Variants in CIDEC observed in about 807,000 individuals in gnomAD.
The protein encoded by CIDEC is lipid transferase CIDEC.
A neutral mutation model predicts 21.9 loss-of-function variants in CIDEC; 11 were observed. That is an observed-to-expected ratio of 0.50 (90% CI 0.32 to 0.83). The LOEUF is 0.83. CIDEC is among the 40% of genes least tolerant of loss of function. The pLI, the probability that CIDEC is intolerant of heterozygous loss-of-function variation, is 0.04. For synonymous variants in CIDEC, 127 were observed against 124.9 expected (o/e 1.02, Z -0.11); for missense variants, 302 against 302.3 (o/e 1.00, Z 0.01).
Position 9,867,184 on chromosome 3 carries a change from TG to T in CIDEC, c.666del (p.Lys223ArgfsTer12). Reference sequence around the variant, plus strand: ...GGGATAAGGGATGAGGCCTTGCCCTTGGGGGGCTGCCCTTCCTCCGTAGCAT... The same window carrying T: ...GGGATAAGGGATGAGGCCTTGCCCTTGGGGGCTGCCCTTCCTCCGTAGCAT... ...LLDATEEGQP[P>X]KGKASSLIPT... On this transcript the variant is annotated frameshift_variant, in exon 7 of 7. Transcript: ENST00000336832. LOFTEE classifies it high-confidence loss of function. 6.2e-7 allele frequency: 1 copy of T among 1,613,986 alleles called. No individual in the cohort carries two copies. The highest frequency in any genetic ancestry group is 1.1e-5 in the South Asian group (1 of 91,072).
At chr3:9,869,687 G>T (rs1304028263) in intron 6 of CIDEC, among the ~76,000 whole-genome samples, 195 bp downstream of exon 6, 1 of 152,232 alleles carries the variant, frequency 6.6e-6, no homozygotes, top group African/African-American at 2.4e-5. Flanking sequence ...AGGAACACGT[G>T]CACCCCTGGG....
intron 4 of CIDEC, among the ~76,000 whole-genome samples, chr3:9,870,985 T>C (rs908576080): frequency 1.3e-5 from 2 of 152,060 alleles, no homozygotes; most frequent in Non-Finnish European, 2.9e-5. Context: ...TTCTACTATA[T>C]AGATATAACA....
chr3:9,867,460 A>C (rs2082288558), intron 6 of CIDEC, among the ~76,000 whole-genome samples, 164 bp from the exon 7 acceptor site: 1 of 152,154 alleles, frequency 6.6e-6, no homozygotes, highest in African/African-American at 2.4e-5. Context: ...TCTCTACTAA[A>C]AATACAAAAA....
At chr3:9,879,953 C>T (rs1401625781) in intron 1 of CIDEC, among the ~76,000 whole-genome samples, 1 of 152,110 alleles carries the variant, frequency 6.6e-6, no homozygotes, top group African/African-American at 2.4e-5. Flanking sequence ...AACAAAAGTC[C>T]CCTTGCCAGC....
intron 6 of CIDEC, among the ~76,000 whole-genome samples, chr3:9,869,675 G>A (rs1046410476): frequency 2.0e-5 from 3 of 152,246 alleles, no homozygotes; most frequent in Non-Finnish European, 4.4e-5. Flanking sequence ...GGTTCCACCA[G>A]GAGGAACACG....
chr3:9,875,031 C>G (rs1303957151), intron 4 of CIDEC, among the ~76,000 whole-genome samples: 1 of 152,092 alleles, frequency 6.6e-6, no homozygotes, highest in African/African-American at 2.4e-5. Flanking sequence ...CTATGCCTGG[C>G]CTGCAACTTA....
chr3:9,867,429 G>A, intron 6 of CIDEC, 133 bp from the exon 7 acceptor site: 1 of 823,878 alleles, frequency 1.2e-6, no homozygotes, highest in Admixed American at 2.0e-5. Context: ...AGACTAGCAT[G>A]GCCAACATGG....
At chr3:9,879,427 C>A (rs1473173936) in intron 1 of CIDEC, among the ~76,000 whole-genome samples, 1 of 152,236 alleles carries the variant, frequency 6.6e-6, no homozygotes, top group Non-Finnish European at 1.5e-5. Flanking sequence ...CTGTCTTGGC[C>A]TCCCAAAGTG....
In CIDEC at chr3:9,870,548, C is replaced by T. The variant is rs536604860; in HGVS notation, c.208-226G>A. Reference sequence around the variant, plus strand: ...TTAATTGTGATACAGTTTACATACTCTAAAAGTTACCCTCTAAAAGTGTAC... The same window carrying T: ...TTAATTGTGATACAGTTTACATACTTTAAAAGTTACCCTCTAAAAGTGTAC... On this transcript the variant is annotated intron_variant, in intron 4 of 6. Coordinates refer to ENST00000336832, the MANE Select transcript of CIDEC (RefSeq NM_001321142.2). The T allele has an allele frequency of 1.9e-4, 248 of 1,321,554 alleles. No homozygotes were observed. The South Asian group carries it at 3.0e-3, about 16-fold the overall frequency. The allele number at this position is 1,321,554 out of a possible 1,614,324, so 81.9% of individuals were successfully genotyped here.
At chr3:9,878,413 T>C (rs1258348048) in intron 3 of CIDEC, 21 bp downstream of exon 3, 1 of 1,586,300 alleles carries the variant, frequency 6.3e-7, no homozygotes, top group South Asian at 1.1e-5. Context: ...CTCTTTCCAT[T>C]CTGCCCATGA....
At position 9,867,085 on chromosome 3, in the gene CIDEC, G is replaced by A. The variant is rs764790227; in HGVS notation, c.*49C>T. On this transcript the variant is annotated 3_prime_UTR_variant, in exon 7 of 7. Coordinates refer to ENST00000336832, the MANE Select transcript of CIDEC (RefSeq NM_001321142.2). Reference sequence around the variant, plus strand: ...TGTGGGCACTACCAGTTAAGCGTGAGGCCCCCAGTCAGTCCTTCACTGGGG... The same window carrying A: ...TGTGGGCACTACCAGTTAAGCGTGAAGCCCCCAGTCAGTCCTTCACTGGGG... 1.1e-5 allele frequency: 18 copies of A among 1,589,880 alleles called. No homozygotes were observed. Among genetic ancestry groups the A allele is most frequent in the Admixed American group, 3.3e-5 (2 of 59,996 alleles).
chr3:9,869,209 C>T (rs1427230463), intron 6 of CIDEC, among the ~76,000 whole-genome samples: 1 of 152,090 alleles, frequency 6.6e-6, no homozygotes, highest in African/African-American at 2.4e-5. Context: ...CTTGCTAGTT[C>T]TCTCATTAAT....
In CIDEC at chr3:9,867,303, G is replaced by A. The variant is rs1468007546; in HGVS notation, c.555-7C>T. The A allele has an allele frequency of 4.3e-6, 7 of 1,613,882 alleles. No individual in the cohort carries two copies. The African/African-American group carries it at 6.7e-5, about 15-fold the overall frequency. On this transcript the variant is annotated splice_polypyrimidine_tract_variant and splice_region_variant and intron_variant, in intron 6 of 6. Coordinates refer to ENST00000336832, the MANE Select transcript of CIDEC (RefSeq NM_001321142.2). Reference sequence around the variant, plus strand: ...GGCCCAGCGGAAAGCTTCCCTGGGTGGAATGAGAGGGCACGCAAGTCAAAA... The same window carrying A: ...GGCCCAGCGGAAAGCTTCCCTGGGTAGAATGAGAGGGCACGCAAGTCAAAA...
chr3:9,880,061 C>T (rs1001824767), intron 1 of CIDEC, among the ~76,000 whole-genome samples, 163 bp downstream of exon 1: 5 of 147,124 alleles, frequency 3.4e-5, no homozygotes, highest in African/African-American at 4.8e-5. Flanking sequence ...ACTGCAGAAG[C>T]TCTAGTCCTA....
intron 1 of CIDEC, 107 bp from the exon 2 acceptor site, chr3:9,879,161 A>ATTTTTTTTTTTTTTTTTTTT (rs56881276): frequency 6.9e-6 from 1 of 144,696 alleles, no homozygotes; most frequent in Non-Finnish European, 1.4e-5. Flanking sequence ...CAGGAGCTGA[A>ATTTTTTTTTTTTTTTTTTTT]TTTTTTTTTT....
At chr3:9,875,376 CAAAAAA>C (rs34070196) in intron 4 of CIDEC, among the ~76,000 whole-genome samples, 49 of 116,912 alleles carry the variant, frequency 4.2e-4, no homozygotes, top group East Asian at 7.5e-4. Context: ...GACTCTGTCT[CAAAAAA>C]AAAAAAAAAA....
At chr3:9,878,590 C>T in intron 2 of CIDEC, 79 bp from the exon 3 acceptor site, 1 of 1,364,846 alleles carries the variant, frequency 7.3e-7, no homozygotes, top group South Asian at 1.2e-5. Context: ...AAGGTGCAAC[C>T]CAACCCCTGT....
chr3:9,873,040 G>C (rs907445519), intron 4 of CIDEC, among the ~76,000 whole-genome samples: 1 of 151,912 alleles, frequency 6.6e-6, no homozygotes, highest in Non-Finnish European at 1.5e-5. Flanking sequence ...TTTTGTTTTT[G>C]CTTATTTTGT....
At chr3:9,870,506 T>C in intron 4 of CIDEC, 184 bp from the exon 5 acceptor site, 1 of 1,493,946 alleles carries the variant, frequency 6.7e-7, no homozygotes, top group Non-Finnish European at 9.0e-7. Context: ...AAATATAATG[T>C]AAGTCACATA....
Sources: gnomAD v4.1 joint callset for allele counts (sites outside exome capture counted in the v4.1 genomes callset) on GRCh38, gnomAD v4.1.1 for gene constraint, MANE v1.5 for transcripts, NCBI Gene and HGNC (gene_info 2026-07-23, HGNC 2026-07-21) for gene names.